The following NELL2 variants were observed in gnomAD, a reference collection of about 807,000 sequenced individuals.
The protein encoded by NELL2 is protein kinase C-binding protein NELL2.
In NELL2, 41 loss-of-function variants were observed where a neutral mutation model predicts 109.6. The observed-to-expected ratio is 0.37, with a 90% CI of 0.29 to 0.49. The LOEUF (loss-of-function observed/expected upper bound fraction) is 0.49. Among genes scored for constraint, NELL2 ranks in the 20% least tolerant of loss-of-function variants. The pLI is 0.98. For synonymous variants in NELL2, 355 were observed against 344.7 expected, an observed-to-expected ratio of 1.03 and a Z score of -0.33; for missense variants, 900 against 1,008.3, an observed-to-expected ratio of 0.89 and a Z score of 1.45.
intron 13 of NELL2, among the ~76,000 whole-genome samples, chr12:44,619,526 C>T (rs1029906146): frequency 6.6e-6 from 1 of 152,032 alleles, no homozygotes; most frequent in African/African-American, 2.4e-5. Flanking sequence ...CTCTTTCCTC[C>T]TTTATTTCTT....
chr12:44,911,735 G>GA (rs1945782173), intron 1 of NELL2, among the ~76,000 whole-genome samples: 1 of 151,638 alleles, frequency 6.6e-6, no homozygotes, highest in Non-Finnish European at 1.5e-5. Flanking sequence ...ATAAACAAGA[G>GA]AAAAAACATG....
chr12:44,852,902 T>C (rs1253194972), intron 2 of NELL2, among the ~76,000 whole-genome samples: 1 of 152,184 alleles, frequency 6.6e-6, no homozygotes. Context: ...TACTATGAGA[T>C]GCTTTATTGT....
At chr12:44,621,389 T>C (rs1946054302) in intron 13 of NELL2, among the ~76,000 whole-genome samples, 2 of 152,190 alleles carry the variant, frequency 1.3e-5, no homozygotes, top group African/African-American at 2.4e-5. Context: ...GCTCAAATCC[T>C]GGCTCTTCCT....
At chr12:44,590,765 C>T (rs1317989325) in intron 15 of NELL2, among the ~76,000 whole-genome samples, 1 of 151,778 alleles carries the variant, frequency 6.6e-6, no homozygotes, top group African/African-American at 2.4e-5. Flanking sequence ...CAAAAGTAGA[C>T]AAATGGGATT....
chr12:44,603,017 C>T (rs1464347663), intron 15 of NELL2, among the ~76,000 whole-genome samples: 1 of 152,022 alleles, frequency 6.6e-6, no homozygotes, highest in Non-Finnish European at 1.5e-5. Context: ...TTTGAAGTTA[C>T]TTTTGAAGTA....
Position 44,669,562 on chromosome 12 carries a change from C to A in NELL2, c.1319-3953G>T, listed in dbSNP as rs144607236. Among the ~76,000 whole-genome samples the A allele has an allele frequency of 8.4e-4, 127 of 151,812 alleles. 1 individual carries two copies. Among genetic ancestry groups the A allele is most frequent in the Admixed American group, 3.7e-3 (56 of 15,274 alleles). On this transcript the variant is annotated intron_variant, in intron 12 of 19. Coordinates refer to ENST00000429094, the MANE Select transcript of NELL2 (RefSeq NM_001145108.2). Reference sequence around the variant, plus strand: ...AGATAGATGCCATAAAAAGAAAAAACCAGAAATCCTAAAAGGCAATGACTG... The same window carrying A: ...AGATAGATGCCATAAAAAGAAAAAAACAGAAATCCTAAAAGGCAATGACTG...
At chr12:44,554,194 T>C (rs915639696) in intron 15 of NELL2, among the ~76,000 whole-genome samples, 2 of 152,142 alleles carry the variant, frequency 1.3e-5, no homozygotes, top group African/African-American at 2.4e-5. Flanking sequence ...TTTGAAAACT[T>C]TGAATGGATG....
chr12:44,556,090 G>A (rs1468807829), intron 15 of NELL2, among the ~76,000 whole-genome samples: 1 of 152,206 alleles, frequency 6.6e-6, no homozygotes. Context: ...ATAAGAGAAG[G>A]GAGGGGTACA....
rs758895115 is a variant in NELL2, at chr12:44,779,710, T to C, written c.559A>G (p.Thr187Ala). 1.2e-6 allele frequency: 2 copies of C among 1,614,034 alleles called. No homozygotes were observed. Among genetic ancestry groups the C allele is most frequent in the South Asian group, 2.2e-5 (2 of 91,088 alleles). The change falls in exon 5 of 20, where the codon ACA becomes GCA. Residue 187 changes from threonine (T) to alanine (A), a missense_variant. Thr to Ala is a moderately conservative substitution (Grantham distance 58). Coordinates refer to ENST00000429094, the MANE Select transcript of NELL2 (RefSeq NM_001145108.2). ...TTTCTCTGTCCTAGCCAAAATGTTG[T>C]GCCTAGAGGCAAGTCTGTGGAGGGC... ...EKPSTDLPLGTTFWLGQRNNA... is the reference protein window; with the variant it reads ...EKPSTDLPLGATFWLGQRNNA...
At chr12:44,623,613 C>G (rs186652902) in intron 13 of NELL2, among the ~76,000 whole-genome samples, 1 of 152,112 alleles carries the variant, frequency 6.6e-6, no homozygotes, top group East Asian at 1.9e-4. Flanking sequence ...GAGCTCTTGC[C>G]CCCAGGAATC....
intron 9 of NELL2, among the ~76,000 whole-genome samples, chr12:44,716,144 C>T (rs2136444865): frequency 6.6e-6 from 1 of 152,026 alleles, no homozygotes; most frequent in African/African-American, 2.4e-5. Context: ...AATATTCATT[C>T]CCAAAGTATA....
chr12:44,807,890 C>T (rs1566441265), intron 3 of NELL2, among the ~76,000 whole-genome samples: 1 of 151,984 alleles, frequency 6.6e-6, no homozygotes, highest in Non-Finnish European at 1.5e-5. Context: ...GTTGCTTACA[C>T]AAAAACCAAA....
chr12:44,657,591 T>G (rs1202286692), intron 13 of NELL2, among the ~76,000 whole-genome samples: 2 of 152,208 alleles, frequency 1.3e-5, no homozygotes, highest in Non-Finnish European at 2.9e-5. Context: ...CAACCCGTCA[T>G]CTACATTAGG....
At chr12:44,678,593 C>T (rs1290641309) in intron 12 of NELL2, among the ~76,000 whole-genome samples, 5 of 152,000 alleles carry the variant, frequency 3.3e-5, no homozygotes, top group Non-Finnish European at 5.9e-5. Flanking sequence ...GTCTTCCAGT[C>T]CTCCCACATG....
At chr12:44,537,578 C>G (rs973631775) in intron 15 of NELL2, among the ~76,000 whole-genome samples, 4 of 152,014 alleles carry the variant, frequency 2.6e-5, no homozygotes, top group Admixed American at 2.6e-4. Context: ...CTTGTTCTAT[C>G]TATATCATCA....
At chr12:44,526,154 A>T (rs908096141) in intron 16 of NELL2, among the ~76,000 whole-genome samples, 1 of 152,198 alleles carries the variant, frequency 6.6e-6, no homozygotes, top group Admixed American at 6.5e-5. Context: ...GCAAAAAAAA[A>T]ATCACAATCT....
chr12:44,596,541 C>T (rs556015001), intron 15 of NELL2, among the ~76,000 whole-genome samples: 1 of 152,088 alleles, frequency 6.6e-6, no homozygotes, highest in East Asian at 1.9e-4. Flanking sequence ...CTTGGTTTAC[C>T]ATATTAACTA....
chr12:44,626,650 AG>A (rs1363712870), intron 13 of NELL2, among the ~76,000 whole-genome samples: 3 of 152,194 alleles, frequency 2.0e-5, no homozygotes, highest in Non-Finnish European at 4.4e-5. Flanking sequence ...CAGTAGAAAC[AG>A]AGAATTTTAA....
intron 1 of NELL2, among the ~76,000 whole-genome samples, chr12:44,899,603 T>A (rs986620843): frequency 6.6e-6 from 1 of 152,148 alleles, no homozygotes; most frequent in African/African-American, 2.4e-5. Flanking sequence ...TACAAGAGCT[T>A]CTGAAGTAAA....
Sources: allele counts gnomAD v4.1 joint callset (sites outside exome capture counted in the v4.1 genomes callset), GRCh38; gene constraint gnomAD v4.1.1; transcripts MANE v1.5; gene names NCBI Gene and HGNC (gene_info 2026-07-23, HGNC 2026-07-21).